The following CFAP77 variants were observed in gnomAD, a reference collection of about 807,000 sequenced individuals.
CFAP77 encodes cilia- and flagella-associated protein 77.
A neutral mutation model predicts 31.1 loss-of-function variants in CFAP77; 25 were observed. The observed-to-expected ratio is 0.80, with a 90% CI of 0.59 to 1.12. The LOEUF (loss-of-function observed/expected upper bound fraction) is 1.12, where lower values mean the gene tolerates loss of function less well. CFAP77 is among the 50% of genes most tolerant of loss of function. The pLI is 0.00. For synonymous variants in CFAP77, 151 were observed against 159.9 expected (o/e 0.94, Z 0.42); for missense variants, 377 against 397.3 (o/e 0.95, Z 0.44).
intron 3 of CFAP77, among the ~76,000 whole-genome samples, chr9:132,502,380 A>G (rs764038078): frequency 2.0e-5 from 3 of 151,934 alleles, no homozygotes; most frequent in Non-Finnish European, 4.4e-5. Flanking sequence ...TTTTAAGTAT[A>G]CAATTCAGTG....
rs1382992904 is a variant in CFAP77 at position 132,495,301 on chromosome 9, G to A, written c.196-3394G>A. Among the ~76,000 whole-genome samples, 1 of 152,160 alleles carries A rather than the reference G, an allele frequency of 6.6e-6. No homozygotes were observed. Among genetic ancestry groups the A allele is most frequent in the Non-Finnish European group, 1.5e-5 (1 of 68,032 alleles). The stretch of plus-strand genomic sequence containing the variant: ...CCTGCTCCTTGCTCCCTGCCTGAGG[G>A]TGGCAGCCAGCTCCTGAGTCTGTCT... On this transcript the variant is annotated intron_variant, in intron 1 of 5. Transcript: ENST00000393216. The surrounding 1 kb of genome is among the most constrained non-coding windows in gnomAD (Gnocchi z 4.2).
intron 1 of CFAP77, among the ~76,000 whole-genome samples, chr9:132,470,917 G>A (rs543441400): frequency 1.4e-3 from 207 of 152,344 alleles, no homozygotes; most frequent in African/African-American, 4.4e-3. Context: ...GGTGGAGGTT[G>A]CAGTGAGCCA....
At chr9:132,416,427 G>A (rs1407098291) in intron 1 of CFAP77, among the ~76,000 whole-genome samples, 1 of 122,866 alleles carries the variant, frequency 8.1e-6, no homozygotes, top group African/African-American at 3.1e-5. Flanking sequence ...CACAACCTCC[G>A]CCTCCCCGGT....
At chr9:132,475,814 C>A (rs572143799) in intron 1 of CFAP77, among the ~76,000 whole-genome samples, 1 of 152,314 alleles carries the variant, frequency 6.6e-6, no homozygotes, top group South Asian at 2.1e-4. Flanking sequence ...TCTACCCCAT[C>A]CTGTGCGCAC....
chr9:132,533,779 G>C (rs1852497786), intron 3 of CFAP77, among the ~76,000 whole-genome samples: 1 of 152,190 alleles, frequency 6.6e-6, no homozygotes, highest in African/African-American at 2.4e-5. Context: ...TACTCGGGAG[G>C]TTGAGGAAGG....
At chr9:132,466,114 T>C (rs1223433313) in intron 1 of CFAP77, among the ~76,000 whole-genome samples, 1 of 152,130 alleles carries the variant, frequency 6.6e-6, no homozygotes, top group Non-Finnish European at 1.5e-5. Context: ...AAAGACATGG[T>C]CTTGCTCTGT....
At position 132,565,060 on chromosome 9, in the gene CFAP77, G is replaced by A. The variant is rs1829868197; in HGVS notation, c.733-7328G>A. 6.6e-6 allele frequency among the ~76,000 whole-genome samples: 1 copy of A among 151,896 alleles called. No individual in the cohort carries two copies. The highest frequency in any genetic ancestry group is 1.5e-5 in the Non-Finnish European group (1 of 68,008). ...TAACTCTCTGGGAATATTTTATTCT[G>A]ATCCAGTAGCAGGGAGGAAAAGGAT... On this transcript the variant is annotated intron_variant, in intron 5 of 5. Coordinates refer to ENST00000393216, the MANE Select transcript of CFAP77 (RefSeq NM_001282957.2). The surrounding 1 kb of genome is among the most constrained non-coding windows in gnomAD (Gnocchi z 4.1).
chr9:132,510,074 G>GCAGGGAGGGCT (rs559770284), intron 3 of CFAP77, among the ~76,000 whole-genome samples: 5 of 152,294 alleles, frequency 3.3e-5, no homozygotes, highest in African/African-American at 1.2e-4. Flanking sequence ...GGCATCCCAA[G>GCAGGGAGGGCT]CAGGGAGGGC....
intron 1 of CFAP77, among the ~76,000 whole-genome samples, chr9:132,442,529 G>A (rs532748093): frequency 3.9e-5 from 6 of 151,974 alleles, no homozygotes; most frequent in Admixed American, 2.6e-4. Context: ...TTCCAGCCTC[G>A]GCAACACAGT....
At chr9:132,519,578 G>A (rs866474940) in intron 3 of CFAP77, among the ~76,000 whole-genome samples, 1 of 69,678 alleles carries the variant, frequency 1.4e-5, no homozygotes. Context: ...ATGGATAGAT[G>A]GATGGATGGA....
intron 1 of CFAP77, among the ~76,000 whole-genome samples, chr9:132,458,677 A>AGACTGAAGAATAAATATCTGACTT (rs11269101): frequency 6.6e-6 from 1 of 151,858 alleles, no homozygotes; most frequent in African/African-American, 2.4e-5. Context: ...ATGGCTAGTG[A>AGACTGAAGAATAAATATCTGACTT]GACTTAATTA....
intron 1 of CFAP77, among the ~76,000 whole-genome samples, chr9:132,453,482 C>A (rs144749397): frequency 0.015 from 2,323 of 152,300 alleles, 23 homozygotes; most frequent in South Asian, 0.024. Flanking sequence ...GCTGAGATCA[C>A]GCCATTGCAC....
rs1265643872 is a variant in CFAP77 at position 132,490,541 on chromosome 9, GC to G, written c.196-8150del. ...GCTTTTCTCTGTAGGCTTCTAGAAG[GC>G]CCCACTGGACAAGCTGGGGAGGGAG... On this transcript the variant is annotated intron_variant, in intron 1 of 5. Transcript: ENST00000393216. The surrounding 1 kb of genome is among the most constrained non-coding windows in gnomAD (Gnocchi z 4.6). 6.6e-6 allele frequency among the ~76,000 whole-genome samples: 1 copy of G among 152,114 alleles called. No individual in the cohort carries two copies. The highest frequency in any genetic ancestry group is 1.9e-4 in the East Asian group (1 of 5,182).
intron 5 of CFAP77, among the ~76,000 whole-genome samples, chr9:132,566,813 T>C (rs10119952): frequency 0.44 from 66,935 of 151,536 alleles, 15,278 homozygotes; most frequent in African/African-American, 0.56. Context: ...CCTCCTGTTC[T>C]CTCCCTTCCC....
intron 1 of CFAP77, among the ~76,000 whole-genome samples, chr9:132,435,627 C>T (rs1361937076): frequency 2.0e-5 from 3 of 152,146 alleles, no homozygotes; most frequent in South Asian, 2.1e-4. Flanking sequence ...TCATCGATAC[C>T]GAGTGGTGTT....
At chr9:132,445,359 T>A (rs1850691788) in intron 1 of CFAP77, among the ~76,000 whole-genome samples, 1 of 152,236 alleles carries the variant, frequency 6.6e-6, no homozygotes, top group Non-Finnish European at 1.5e-5. Context: ...TGTTTTTGTG[T>A]CTGGCCTATT....
chr9:132,544,180 T>C (rs555113990), intron 5 of CFAP77, among the ~76,000 whole-genome samples: 1 of 152,350 alleles, frequency 6.6e-6, no homozygotes, highest in South Asian at 2.1e-4. Context: ...CGGCCTCTCA[T>C]GTCCTGCCCA....
rs796982347 is a variant in CFAP77 at position 132,458,347 on chromosome 9, GA to G, written c.196-40347del. The stretch of plus-strand genomic sequence containing the variant: ...CTCCACCTTTGTCTCCCTGGCGGGG[GA>G]GGGGGGGGGGTGTGTATGGAAGGCT... On this transcript the variant is annotated intron_variant, in intron 1 of 5. Transcript: ENST00000393216. Among the ~76,000 whole-genome samples the G allele has an allele frequency of 5.4e-4, 68 of 124,804 alleles. 1 individual carries two copies. Among genetic ancestry groups the G allele is most frequent in the East Asian group, 2.0e-3 (9 of 4,416 alleles). The allele number at this position is 124,804 out of a possible 152,430, so 81.9% of individuals were successfully genotyped here. A position where few individuals can be genotyped will look rare whatever the true frequency, so the allele number is the denominator to read the frequency against.
chr9:132,506,051 G>GC (rs1474138884), intron 3 of CFAP77, among the ~76,000 whole-genome samples: 1 of 152,184 alleles, frequency 6.6e-6, no homozygotes, highest in Non-Finnish European at 1.5e-5. Flanking sequence ...GAAAGGGAGG[G>GC]CAAGGGCCCT....
Sources: gnomAD v4.1 joint callset for allele counts (sites outside exome capture counted in the v4.1 genomes callset) on GRCh38, gnomAD v4.1.1 for gene constraint, Gnocchi (gnomAD v3.1) non-coding constraint, MANE v1.5 for transcripts, NCBI Gene and HGNC (gene_info 2026-07-23, HGNC 2026-07-21) for gene names.